CLMP: variants seen among roughly 807,000 people sequenced by gnomAD.
The protein encoded by CLMP is CXADR like cell adhesion molecule, also known as CXADR-like membrane protein.
A neutral mutation model predicts 45.2 loss-of-function variants in CLMP; 27 were observed. The ratio of observed to expected loss-of-function variants is 0.60; its 90% CI spans 0.44 to 0.82. CLMP has a LOEUF of 0.82. Ranked by LOEUF, CLMP falls within the 40% of genes least tolerant of loss-of-function variation. The probability of loss-of-function intolerance (pLI) is 0.00; values close to 1 mark genes in which losing one functional copy is unlikely to be tolerated. For missense variants in CLMP, 403 were observed against 448.4 expected, an observed-to-expected ratio of 0.90 and a Z score of 0.91; for synonymous variants, 167 against 171.4, an observed-to-expected ratio of 0.97 and a Z score of 0.20.
intron 1 of CLMP, among the ~76,000 whole-genome samples, chr11:123,180,978 G>A (rs960171446): frequency 1.3e-5 from 2 of 152,122 alleles, no homozygotes; most frequent in Non-Finnish European, 2.9e-5. Flanking sequence ...CAGACTGGGG[G>A]CCCGGGGTGT....
chr11:123,178,552 T>C (rs760977477), intron 1 of CLMP, among the ~76,000 whole-genome samples: 8 of 152,248 alleles, frequency 5.3e-5, no homozygotes, highest in African/African-American at 1.9e-4. Flanking sequence ...TATTTGATGG[T>C]TGTTATGGAG....
intron 4 of CLMP, 86 bp downstream of exon 4, chr11:123,083,594 T>C (rs1865828686): frequency 1.5e-6 from 2 of 1,345,538 alleles, no homozygotes; most frequent in Non-Finnish European, 2.1e-6. Context: ...TCAGGTCACA[T>C]AGTGAGTTGC....
chr11:123,155,459 G>A (rs958962506), intron 1 of CLMP, among the ~76,000 whole-genome samples: 48 of 152,134 alleles, frequency 3.2e-4, no homozygotes, highest in African/African-American at 1.0e-3. Flanking sequence ...TGCTAGTTGC[G>A]ACACAGTAAA....
rs1189117707 is a variant in CLMP at position 123,170,702 on chromosome 11, A to G, written c.28+24211T>C. On this transcript the variant is annotated intron_variant, in intron 1 of 6. Coordinates refer to ENST00000448775, the MANE Select transcript of CLMP (RefSeq NM_024769.5). ...GTGATCCACCCCGCTCGGCCTCCCA[A>G]TGTGCTGGGATTACAGGCGTGAGCC... Among the ~76,000 whole-genome samples the G allele has an allele frequency of 3.3e-5, 5 of 152,078 alleles. No individual in the cohort carries two copies. In the East Asian group the frequency reaches 5.8e-4, roughly 18 times the overall value.
At chr11:123,193,716 G>A (rs1861939935) in intron 1 of CLMP, among the ~76,000 whole-genome samples, 1 of 152,090 alleles carries the variant, frequency 6.6e-6, no homozygotes, top group African/African-American at 2.4e-5. Context: ...AGGATTTGGT[G>A]GTTCTTCTAG....
chr11:123,162,401 T>G (rs1369256572), intron 1 of CLMP, among the ~76,000 whole-genome samples: 1 of 152,126 alleles, frequency 6.6e-6, no homozygotes, highest in Non-Finnish European at 1.5e-5. Flanking sequence ...TTAAAACACA[T>G]CCAAAACAGG....
intron 1 of CLMP, among the ~76,000 whole-genome samples, chr11:123,189,451 C>T (rs1441952764): frequency 6.6e-6 from 1 of 152,198 alleles, no homozygotes; most frequent in African/African-American, 2.4e-5. Context: ...ATAATACTTA[C>T]TCTCAAAGAG....
At chr11:123,152,523 A>C in intron 1 of CLMP, among the ~76,000 whole-genome samples, 1 of 142,790 alleles carries the variant, frequency 7.0e-6, no homozygotes, top group South Asian at 2.2e-4. Flanking sequence ...ACTCCATCTC[A>C]AAATAAATAA....
intron 5 of CLMP, among the ~76,000 whole-genome samples, chr11:123,076,741 T>C (rs1361160279): frequency 2.0e-5 from 3 of 152,006 alleles, no homozygotes; most frequent in African/African-American, 7.2e-5. Context: ...ATGGCAAAAA[T>C]TTTAATGTGA....
At chr11:123,106,382 GGTGTGTGTGT>G (rs539659160) in intron 1 of CLMP, among the ~76,000 whole-genome samples, 1,954 of 135,250 alleles carry the variant, frequency 0.014, 40 homozygotes, top group African/African-American at 0.049. Flanking sequence ...TTCTGTAGGA[GGTGTGTGTGT>G]GTGTGTGTGT....
intron 1 of CLMP, among the ~76,000 whole-genome samples, chr11:123,167,077 G>A (rs561864659): frequency 6.6e-6 from 1 of 152,330 alleles, no homozygotes; most frequent in South Asian, 2.1e-4. Flanking sequence ...GGCACATACA[G>A]TGTTTAGCGC....
intron 1 of CLMP, among the ~76,000 whole-genome samples, chr11:123,109,194 C>A (rs989421864): frequency 6.6e-6 from 1 of 152,034 alleles, no homozygotes; most frequent in African/African-American, 2.4e-5. Flanking sequence ...AGCTTTTCAC[C>A]TATCAGGCAA....
At chr11:123,101,900 C>T (rs1866066350) in intron 1 of CLMP, among the ~76,000 whole-genome samples, 1 of 152,190 alleles carries the variant, frequency 6.6e-6, no homozygotes, top group African/African-American at 2.4e-5. Flanking sequence ...ATGCAACTTC[C>T]AGGCCGGGTG....
At chr11:123,120,171 A>G (rs1022099026) in intron 1 of CLMP, among the ~76,000 whole-genome samples, 1 of 152,168 alleles carries the variant, frequency 6.6e-6, no homozygotes, top group Non-Finnish European at 1.5e-5. Flanking sequence ...CTCTAATCCC[A>G]GTGCTTTGGG....
At chr11:123,139,677 A>G (rs1156426224) in intron 1 of CLMP, among the ~76,000 whole-genome samples, 1 of 152,078 alleles carries the variant, frequency 6.6e-6, no homozygotes, top group Non-Finnish European at 1.5e-5. Context: ...TTAGCTGGGC[A>G]TGGTGGCGCA....
intron 1 of CLMP, among the ~76,000 whole-genome samples, chr11:123,124,378 C>A (rs1860861339): frequency 6.6e-6 from 1 of 152,116 alleles, no homozygotes; most frequent in African/African-American, 2.4e-5. Flanking sequence ...AAGCAGAGAT[C>A]TATTTCACCC....
intron 1 of CLMP, among the ~76,000 whole-genome samples, chr11:123,143,868 G>A (rs1390849892): frequency 6.6e-6 from 1 of 151,654 alleles, no homozygotes; most frequent in African/African-American, 2.4e-5. Flanking sequence ...GAGTACAGTG[G>A]TGCAATCTTG....
intron 1 of CLMP, among the ~76,000 whole-genome samples, chr11:123,144,661 C>T (rs1255461187): frequency 1.3e-5 from 2 of 152,026 alleles, no homozygotes; most frequent in African/African-American, 4.8e-5. Context: ...TGAGCCACCA[C>T]TCCCAGCGGG....
chr11:123,073,506 G>T lies in CLMP; in HGVS notation c.1090C>A (p.Pro364Thr). The change falls in exon 7 of 7, where the codon CCC becomes ACC. Residue 364 changes from proline to threonine, a missense_variant. Transcript: ENST00000448775. ...GTTTGGAAGGCTCTGCTCTGGCTGG[G>T]GATCATGCTGGGTGTGGTTTCTGCT... ...TKAETTPSMI[P>T]SQSRAFQTV The T allele has an allele frequency of 6.2e-7, 1 of 1,614,048 alleles. No individual in the cohort carries two copies. Among genetic ancestry groups the T allele is most frequent in the East Asian group, 2.2e-5 (1 of 44,878 alleles).
Sources: gnomAD v4.1 joint callset for allele counts (sites outside exome capture counted in the v4.1 genomes callset) on GRCh38, gnomAD v4.1.1 for gene constraint, MANE v1.5 for transcripts, NCBI Gene and HGNC (gene_info 2026-07-23, HGNC 2026-07-21) for gene names.